Variants in TMEM131L observed in about 807,000 individuals in gnomAD.
TMEM131L encodes transmembrane 131 like.
TMEM131L carries 54 observed loss-of-function variants against 192.2 expected under a neutral mutation model. That is an observed-to-expected ratio of 0.28 (90% CI 0.23 to 0.35). The LOEUF is 0.35. Among genes scored for constraint, TMEM131L ranks in the 10% least tolerant of loss-of-function variants. TMEM131L has a pLI of 1.00. For missense variants in TMEM131L, 1,888 were observed against 1,972.9 expected, an observed-to-expected ratio of 0.96 and a Z score of 0.82; for synonymous variants, 701 against 704.9, an observed-to-expected ratio of 0.99 and a Z score of 0.09.
intron 3 of TMEM131L, among the ~76,000 whole-genome samples, chr4:153,548,455 C>G (rs1487698894): frequency 6.6e-6 from 1 of 152,154 alleles, no homozygotes; most frequent in Non-Finnish European, 1.5e-5. Context: ...CAGGCGCCCG[C>G]CACCACGCCC....
chr4:153,539,172 G>C (rs925191456), intron 3 of TMEM131L, among the ~76,000 whole-genome samples: 1 of 152,038 alleles, frequency 6.6e-6, no homozygotes, highest in Non-Finnish European at 1.5e-5. Flanking sequence ...TCCCCCAAAA[G>C]GGGGGGAGGC....
intron 21 of TMEM131L, among the ~76,000 whole-genome samples, chr4:153,600,161 T>G (rs1731732914): frequency 6.6e-6 from 1 of 152,138 alleles, no homozygotes; most frequent in Non-Finnish European, 1.5e-5. Context: ...GCTCAGGAAT[T>G]TGAGACCAGC....
At chr4:153,631,399 C>T (rs1561261971) in intron 31 of TMEM131L, among the ~76,000 whole-genome samples, 2 of 152,176 alleles carry the variant, frequency 1.3e-5, no homozygotes, top group South Asian at 4.1e-4. Flanking sequence ...GCATGAGTTC[C>T]CCTGAGCCCC....
intron 3 of TMEM131L, among the ~76,000 whole-genome samples, chr4:153,521,067 C>G (rs1406489293): frequency 6.6e-6 from 1 of 152,170 alleles, no homozygotes; most frequent in Non-Finnish European, 1.5e-5. Flanking sequence ...GGAGTATCCA[C>G]TGGGGAGTAG....
chr4:153,618,616 A>C (rs959594072), intron 26 of TMEM131L, among the ~76,000 whole-genome samples: 2 of 152,136 alleles, frequency 1.3e-5, no homozygotes, highest in Non-Finnish European at 2.9e-5. Flanking sequence ...GACTCGGGAA[A>C]CTGAGGCAGA....
chr4:153,544,571 A>G (rs1457409492), intron 3 of TMEM131L, among the ~76,000 whole-genome samples: 1 of 152,158 alleles, frequency 6.6e-6, no homozygotes, highest in Non-Finnish European at 1.5e-5. Context: ...CCAGCAGGCC[A>G]GCTTGTGAGT....
intron 3 of TMEM131L, among the ~76,000 whole-genome samples, chr4:153,478,571 T>C (rs1194245226): frequency 6.6e-6 from 1 of 152,208 alleles, no homozygotes; most frequent in Non-Finnish European, 1.5e-5. Flanking sequence ...CTCCACACTT[T>C]ATTCACATTT....
intron 11 of TMEM131L, 141 bp from the exon 12 acceptor site, chr4:153,584,694 G>C: frequency 2.0e-6 from 1 of 511,514 alleles, no homozygotes; most frequent in Admixed American, 3.7e-5. Context: ...TGAGAAAGTA[G>C]TTACCTTTTA....
intron 3 of TMEM131L, among the ~76,000 whole-genome samples, chr4:153,500,122 A>T (rs1159133785): frequency 6.6e-6 from 1 of 150,778 alleles, no homozygotes; most frequent in Non-Finnish European, 1.5e-5. Flanking sequence ...GCAAGAGTAG[A>T]TAGGGTCTCA....
intron 3 of TMEM131L, among the ~76,000 whole-genome samples, chr4:153,517,639 C>G (rs1734827054): frequency 6.6e-6 from 1 of 152,098 alleles, no homozygotes; most frequent in Admixed American, 6.5e-5. Context: ...AGGTCAGGAG[C>G]CTTTTGTTCA....
intron 3 of TMEM131L, among the ~76,000 whole-genome samples, chr4:153,544,946 G>A (rs1014532299): frequency 1.7e-4 from 26 of 152,164 alleles, no homozygotes; most frequent in Non-Finnish European, 1.8e-4. Flanking sequence ...CTCTCACTCT[G>A]GGGAGATGAA....
chr4:153,621,890 A>G, intron 28 of TMEM131L, 41 bp downstream of exon 28: 1 of 1,596,958 alleles, frequency 6.3e-7, no homozygotes, highest in South Asian at 1.1e-5. Context: ...CTTCTGTGGG[A>G]ATTTTTGTTT....
chr4:153,522,209 C>T (rs1220780743), intron 3 of TMEM131L, among the ~76,000 whole-genome samples: 2 of 152,174 alleles, frequency 1.3e-5, no homozygotes, highest in East Asian at 1.9e-4. Context: ...GAACCCTCAA[C>T]CGCCATTTGT....
intron 7 of TMEM131L, among the ~76,000 whole-genome samples, chr4:153,561,314 C>T (rs541087711): frequency 6.6e-6 from 1 of 152,248 alleles, no homozygotes; most frequent in Non-Finnish European, 1.5e-5. Flanking sequence ...AATATTTTCT[C>T]CCTTTCTATA....
rs758154012 is a variant in TMEM131L, at chr4:153,634,277, G to A, written c.4414G>A (p.Glu1472Lys). The A allele has an allele frequency of 3.7e-6, 6 of 1,610,920 alleles. No homozygotes were observed. The African/African-American group carries it at 6.7e-5, about 18-fold the overall frequency. ...LELNDYNAFP[E>K]ENMNYANGFP... ...ATTGAACGATTACAATGCCTTTCCAGAAGGTAAGGGCTCTTCAGACAATCC... is the reference window on the plus strand; with the variant it reads ...ATTGAACGATTACAATGCCTTTCCAAAAGGTAAGGGCTCTTCAGACAATCC... The change falls in exon 33 of 35, where the codon GAA (glutamate) becomes AAA (lysine). Residue 1472 changes from glutamate to lysine, a missense_variant. Physicochemically the swap from Glu to Lys is moderately conservative, Grantham distance 56. Transcript: ENST00000409959.
intron 3 of TMEM131L, among the ~76,000 whole-genome samples, chr4:153,544,388 C>T (rs1737016216): frequency 6.6e-6 from 1 of 152,228 alleles, no homozygotes; most frequent in African/African-American, 2.4e-5. Flanking sequence ...ATCCACAGCA[C>T]GTCACCTGGG....
chr4:153,530,624 T>C (rs1302029041), intron 3 of TMEM131L, among the ~76,000 whole-genome samples: 1 of 152,192 alleles, frequency 6.6e-6, no homozygotes, highest in Non-Finnish European at 1.5e-5. Context: ...ATTGGGTATT[T>C]TCACAAGCAC....
At chr4:153,479,505 C>A (rs1003114514) in intron 3 of TMEM131L, among the ~76,000 whole-genome samples, 1 of 152,144 alleles carries the variant, frequency 6.6e-6, no homozygotes, top group African/African-American at 2.4e-5. Context: ...ATATCTCTCT[C>A]TGGTAAGCCT....
At chr4:153,581,033 C>T (rs1006464248) in intron 8 of TMEM131L, 130 bp downstream of exon 8, 10 of 626,978 alleles carry the variant, frequency 1.6e-5, no homozygotes, top group Non-Finnish European at 2.5e-5. Context: ...GCGAGTGGAT[C>T]ACGAGGTCAG....
Sources: gnomAD v4.1 joint callset for allele counts (sites outside exome capture counted in the v4.1 genomes callset) on GRCh38, gnomAD v4.1.1 for gene constraint, MANE v1.5 for transcripts, NCBI Gene and HGNC (gene_info 2026-07-23, HGNC 2026-07-21) for gene names.